The following ACOT7 variants were observed in gnomAD, a reference collection of about 807,000 sequenced individuals.
The protein encoded by ACOT7 is cytosolic acyl coenzyme A thioester hydrolase.
Under a neutral mutation model 40.2 loss-of-function variants are expected in ACOT7, and 12 were observed. The observed-to-expected ratio is 0.30, with a 90% CI of 0.19 to 0.48. The LOEUF is 0.48. Ranked by LOEUF, ACOT7 falls within the 20% of genes least tolerant of loss-of-function variation. ACOT7 has a pLI of 0.99. For synonymous variants in ACOT7, 228 were observed against 219.5 expected (o/e 1.04, Z -0.34); for missense variants, 395 against 530.8 (o/e 0.74, Z 2.51).
chr1:6,343,715 G>A (rs555488374), intron 2 of ACOT7, among the ~76,000 whole-genome samples: 10 of 152,404 alleles, frequency 6.6e-5, no homozygotes, highest in South Asian at 4.1e-4. Context: ...GCCAAGCACT[G>A]TCTGCAAGAC....
chr1:6,270,847 G>A (rs114247926), intron 8 of ACOT7, among the ~76,000 whole-genome samples: 3,015 of 152,324 alleles, frequency 0.02, 118 homozygotes, highest in African/African-American at 0.068. Flanking sequence ...CTGCTGGTGT[G>A]TGGCTGCCCC....
chr1:6,354,432 C>T (rs182076139), intron 1 of ACOT7, among the ~76,000 whole-genome samples: 10 of 152,354 alleles, frequency 6.6e-5, no homozygotes, highest in African/African-American at 2.2e-4. Flanking sequence ...ACAAAGCTGG[C>T]GCATGGCCCA....
At chr1:6,312,132 G>A (rs72854382) in intron 6 of ACOT7, among the ~76,000 whole-genome samples, 202 of 152,252 alleles carry the variant, frequency 1.3e-3, no homozygotes, top group African/African-American at 4.7e-3. Flanking sequence ...CGTCTCCCTC[G>A]GTAGAGCTGG....
chr1:6,365,172 CAGAA>C (rs1641975942), intron 1 of ACOT7, among the ~76,000 whole-genome samples: 1 of 152,192 alleles, frequency 6.6e-6, no homozygotes, highest in African/African-American at 2.4e-5. Flanking sequence ...ACTATAGTGA[CAGAA>C]AGCAGATCAG....
intron 3 of ACOT7, among the ~76,000 whole-genome samples, chr1:6,334,745 T>C (rs894610705): frequency 1.3e-5 from 2 of 152,182 alleles, no homozygotes; most frequent in Non-Finnish European, 2.9e-5. Context: ...TAAAGGAGCC[T>C]AGAGATCCCT....
chr1:6,387,589 G>A (rs1642460549), intron 1 of ACOT7, among the ~76,000 whole-genome samples: 1 of 152,188 alleles, frequency 6.6e-6, no homozygotes, highest in African/African-American at 2.4e-5. Flanking sequence ...GAGGCCAAGG[G>A]GTGGGATGGC....
chr1:6,345,889 C>T (rs922388122), intron 2 of ACOT7, among the ~76,000 whole-genome samples: 3 of 152,234 alleles, frequency 2.0e-5, no homozygotes, highest in African/African-American at 7.2e-5. Context: ...ACTCGGTGGA[C>T]GCTCTCCATG....
chr1:6,388,735 C>CA (rs1642483220), intron 1 of ACOT7, among the ~76,000 whole-genome samples: 1 of 74,338 alleles, frequency 1.3e-5, no homozygotes, highest in East Asian at 5.1e-4. Context: ...GTGAGACTCT[C>CA]TTAAAAAAAA....
At chr1:6,376,298 T>C (rs1253054257) in intron 1 of ACOT7, among the ~76,000 whole-genome samples, 6 of 151,864 alleles carry the variant, frequency 4.0e-5, no homozygotes, top group African/African-American at 2.4e-5. Flanking sequence ...CCAGGCACAG[T>C]AGGGTGCACC....
At chr1:6,292,879 ATTTCTTTTTCTTTT>A (rs1309983898) in intron 7 of ACOT7, among the ~76,000 whole-genome samples, 27 of 118,426 alleles carry the variant, frequency 2.3e-4, no homozygotes, top group African/African-American at 8.4e-4. Context: ...TGGAAAGTCT[ATTTCTTTTTCTTTT>A]TTTTTTTTTT....
chr1:6,356,291 C>A (rs1235383466), intron 1 of ACOT7, among the ~76,000 whole-genome samples: 2 of 152,188 alleles, frequency 1.3e-5, no homozygotes, highest in East Asian at 3.9e-4. Flanking sequence ...CCGGTTGTCA[C>A]CTGCCACCTG....
At chr1:6,296,018 C>A (rs937830028) in intron 6 of ACOT7, among the ~76,000 whole-genome samples, 2 of 152,168 alleles carry the variant, frequency 1.3e-5, no homozygotes, top group African/African-American at 4.8e-5. Context: ...GATCCTCCTA[C>A]TTCAGCCTCC....
intron 5 of ACOT7, among the ~76,000 whole-genome samples, chr1:6,326,777 T>C (rs939640347): frequency 4.6e-5 from 7 of 151,748 alleles, no homozygotes; most frequent in African/African-American, 1.7e-4. Context: ...AATACAAAAA[T>C]TAGCCGGGCA....
chr1:6,390,550 T>C (rs1642516301), intron 1 of ACOT7, among the ~76,000 whole-genome samples: 1 of 151,944 alleles, frequency 6.6e-6, no homozygotes, highest in Non-Finnish European at 1.5e-5. Context: ...CCAGCCTGGG[T>C]GACAGAGTGA....
rs137913430 is a variant in ACOT7 at position 6,389,043 on chromosome 1, G to GA, written c.143+4213dup. On this transcript the variant is annotated intron_variant, in intron 1 of 8. Transcript: ENST00000361521. The stretch of plus-strand genomic sequence containing the variant: ...GCAACAGAGTGAGACTCCGTCTCAA[G>GA]AAAAAAAAAAAAAAAAGACAAAGGT... Among the ~76,000 whole-genome samples, 268 of 94,866 alleles carry GA rather than the reference G, an allele frequency of 2.8e-3. 3 individuals are homozygous for GA. The highest frequency in any genetic ancestry group is 4.0e-3 in the Admixed American group (35 of 8,802). 62.2% of individuals were successfully genotyped at this position (94,866 alleles called of 152,430 possible). A position where few individuals can be genotyped will look rare whatever the true frequency, so the allele number is the denominator to read the frequency against.
chr1:6,269,626 C>T lies in ACOT7; in HGVS notation c.1015-4931G>A, dbSNP rs76797748. The stretch of plus-strand genomic sequence containing the variant: ...GGAGAATCTGGTGCCCAGCAACGGG[C>T]CCCAAGGCGGCTCTGATGTGGCCCT... On this transcript the variant is annotated intron_variant, in intron 8 of 8. Coordinates refer to ENST00000361521, the MANE Select transcript of ACOT7 (RefSeq NM_007274.4). 8.2e-3 allele frequency among the ~76,000 whole-genome samples: 1,253 copies of T among 152,378 alleles called. 22 individuals carry two copies. Among genetic ancestry groups the T allele is most frequent in the African/African-American group, 0.029 (1,208 of 41,594 alleles).
chr1:6,372,608 T>C (rs545307181), intron 1 of ACOT7, among the ~76,000 whole-genome samples: 10 of 150,006 alleles, frequency 6.7e-5, no homozygotes, highest in African/African-American at 2.2e-4. Flanking sequence ...TGGAGTGCAG[T>C]GGCACGATCT....
rs1287399223 is a variant in ACOT7, at chr1:6,299,696, C to T, written c.713-4716G>A. ...TGTGTGTGTGTGTGTGTGTGTAGGG[C>T]ACGTGTGTGCGTGTGTTTAAGGGGC... On this transcript the variant is annotated intron_variant, in intron 6 of 8. Coordinates refer to ENST00000361521, the MANE Select transcript of ACOT7 (RefSeq NM_007274.4). This position sits in a 1 kb window ranked among gnomAD's most constrained non-coding sequence, Gnocchi z 4.1. Among the ~76,000 whole-genome samples, 2 of 149,044 alleles carry T rather than the reference C, an allele frequency of 1.3e-5. No individual in the cohort carries two copies. The highest frequency in any genetic ancestry group is 5.0e-5 in the African/African-American group (2 of 40,114).
chr1:6,365,580 T>A (rs201938184), intron 1 of ACOT7, among the ~76,000 whole-genome samples: 1 of 151,930 alleles, frequency 6.6e-6, no homozygotes, highest in Non-Finnish European at 1.5e-5. Context: ...CCATCCTGGC[T>A]AACACGGTGA....
Sources: allele counts gnomAD v4.1 joint callset (sites outside exome capture counted in the v4.1 genomes callset), GRCh38; gene constraint gnomAD v4.1.1; non-coding constraint Gnocchi (gnomAD v3.1); transcripts MANE v1.5; gene names NCBI Gene and HGNC (gene_info 2026-07-23, HGNC 2026-07-21).